The following YWHAE variants were observed in gnomAD, a reference collection of about 807,000 sequenced individuals.
YWHAE encodes the protein 14-3-3 protein epsilon.
Under a neutral mutation model 30.1 loss-of-function variants are expected in YWHAE, and 4 were observed. The ratio of observed to expected loss-of-function variants is 0.13; its 90% CI spans 0.07 to 0.30. The LOEUF is 0.30. Ranked by LOEUF, YWHAE falls within the 10% of genes least tolerant of loss-of-function variation. The pLI is 1.00. For synonymous variants in YWHAE, 118 were observed against 111.8 expected, an observed-to-expected ratio of 1.06 and a Z score of -0.35; for missense variants, 121 against 315.9, an observed-to-expected ratio of 0.38 and a Z score of 4.68.
intron 1 of YWHAE, among the ~76,000 whole-genome samples, chr17:1,375,641 T>C (rs1276576616): frequency 2.0e-4 from 30 of 152,196 alleles, no homozygotes; most frequent in Non-Finnish European, 8.8e-5. Context: ...CTGAAAAACA[T>C]ACTCCTCACA....
intron 4 of YWHAE, among the ~76,000 whole-genome samples, chr17:1,357,680 C>T (rs1005536634): frequency 6.6e-6 from 1 of 151,692 alleles, no homozygotes; most frequent in Non-Finnish European, 1.5e-5. Context: ...AATCTCGGCA[C>T]TTTGGGAGGC....
chr17:1,374,259 A>G lies in YWHAE; in HGVS notation c.65-9201T>C, dbSNP rs187077170. 7.9e-4 allele frequency among the ~76,000 whole-genome samples: 120 copies of G among 151,970 alleles called. 1 individual carries two copies. Among genetic ancestry groups the G allele is most frequent in the African/African-American group, 2.8e-3 (114 of 41,440 alleles). On this transcript the variant is annotated intron_variant, in intron 1 of 5. Transcript: ENST00000264335. ...CTTGAACACGGGAGGCGGAGGTTGC[A>G]GTGACCCGAGATCGTGCCACTGAAC...
At chr17:1,384,843 G>C (rs554871726) in intron 1 of YWHAE, among the ~76,000 whole-genome samples, 1 of 152,044 alleles carries the variant, frequency 6.6e-6, no homozygotes, top group Non-Finnish European at 1.5e-5. Context: ...GAGTAGCTGG[G>C]ATTAGAGGCA....
intron 1 of YWHAE, among the ~76,000 whole-genome samples, chr17:1,369,046 A>G (rs1011319653): frequency 6.6e-6 from 1 of 152,250 alleles, no homozygotes; most frequent in African/African-American, 2.4e-5. Flanking sequence ...TGTAACACTC[A>G]GTGATACTCT....
intron 1 of YWHAE, among the ~76,000 whole-genome samples, chr17:1,395,033 G>A (rs1384566311): frequency 1.3e-5 from 2 of 151,902 alleles, no homozygotes; most frequent in East Asian, 1.9e-4. Flanking sequence ...TGTACACAGT[G>A]TTCTTGAAAT....
chr17:1,384,246 C>A (rs1255589324), intron 1 of YWHAE, among the ~76,000 whole-genome samples: 4 of 149,056 alleles, frequency 2.7e-5, no homozygotes, highest in Admixed American at 6.7e-5. Flanking sequence ...GCATGGTGGG[C>A]ACACCTGTAG....
intron 1 of YWHAE, among the ~76,000 whole-genome samples, chr17:1,382,242 G>T (rs1302326033): frequency 4.6e-5 from 7 of 150,642 alleles, no homozygotes; most frequent in African/African-American, 7.3e-5. Context: ...TAGAGATGGG[G>T]TTTCACCGTG....
chr17:1,380,121 T>C (rs974654745), intron 1 of YWHAE, among the ~76,000 whole-genome samples: 9 of 151,100 alleles, frequency 6.0e-5, no homozygotes, highest in Admixed American at 5.3e-4. Context: ...CTTTTTTTTT[T>C]TTTTTTTTTT....
intron 1 of YWHAE, among the ~76,000 whole-genome samples, chr17:1,387,824 C>T (rs2073322023): frequency 6.6e-6 from 1 of 151,732 alleles, no homozygotes; most frequent in South Asian, 2.1e-4. Flanking sequence ...GGGGGTCTCA[C>T]CATGTTCACC....
At chr17:1,371,839 C>T (rs1332487150) in intron 1 of YWHAE, among the ~76,000 whole-genome samples, 2 of 138,542 alleles carry the variant, frequency 1.4e-5, no homozygotes, top group Admixed American at 7.3e-5. Context: ...TGACCCTGTA[C>T]TTTTTTTTTT....
intron 2 of YWHAE, among the ~76,000 whole-genome samples, chr17:1,363,972 A>T (rs2072903765): frequency 6.6e-6 from 1 of 152,186 alleles, no homozygotes; most frequent in Non-Finnish European, 1.5e-5. Flanking sequence ...GATGCTAGGA[A>T]CACCCTCCAG....
intron 1 of YWHAE, among the ~76,000 whole-genome samples, chr17:1,375,589 T>G (rs1367768475): frequency 6.6e-6 from 1 of 152,202 alleles, no homozygotes; most frequent in African/African-American, 2.4e-5. Context: ...TCTGGGACTT[T>G]TCATGGTTTG....
At chr17:1,349,651 T>C (rs999131879) in intron 5 of YWHAE, among the ~76,000 whole-genome samples, 13 of 151,912 alleles carry the variant, frequency 8.6e-5, no homozygotes, top group Non-Finnish European at 1.8e-4. Flanking sequence ...TCTTGCTCTG[T>C]CGCCCAGGCT....
chr17:1,388,103 T>G (rs1469489697), intron 1 of YWHAE, among the ~76,000 whole-genome samples: 3 of 46,730 alleles, frequency 6.4e-5, no homozygotes, highest in South Asian at 9.7e-4. Context: ...TAATTTTTGT[T>G]TTTTTTTTTG....
Position 1,392,636 on chromosome 17 carries a change from G to A in YWHAE, c.64+7411C>T, listed in dbSNP as rs186033140. 3.0e-3 allele frequency among the ~76,000 whole-genome samples: 459 copies of A among 152,100 alleles called. 5 individuals are homozygous for A. Among genetic ancestry groups the A allele is most frequent in the African/African-American group, 0.011 (442 of 41,468 alleles). Reference sequence around the variant, plus strand: ...AGGCTGAGGCAGGCGGACTACCTGAGGTCAGGAGTTGAAGACCAGCCTGGC... The same window carrying A: ...AGGCTGAGGCAGGCGGACTACCTGAAGTCAGGAGTTGAAGACCAGCCTGGC... On this transcript the variant is annotated intron_variant, in intron 1 of 5. Transcript: ENST00000264335.
chr17:1,398,334 T>TCCC (rs11389163), intron 1 of YWHAE, among the ~76,000 whole-genome samples: 5,467 of 100,624 alleles, frequency 0.054, 145 homozygotes, highest in Non-Finnish European at 0.07. Flanking sequence ...CCCCATCTTA[T>TCCC]CCCCCCCCCC....
intron 2 of YWHAE, among the ~76,000 whole-genome samples, chr17:1,362,861 G>A (rs1231425722): frequency 1.3e-5 from 2 of 151,980 alleles, no homozygotes; most frequent in Non-Finnish European, 2.9e-5. Flanking sequence ...GACTGGTCTA[G>A]GAGAAGGAAG....
intron 1 of YWHAE, among the ~76,000 whole-genome samples, chr17:1,388,053 G>C (rs2073327362): frequency 7.0e-6 from 1 of 141,888 alleles, no homozygotes. Context: ...AACCTCCTGA[G>C]TAGCTGGGAT....
intron 1 of YWHAE, among the ~76,000 whole-genome samples, chr17:1,378,940 ACT>A (rs779930496): frequency 1.5e-4 from 23 of 148,710 alleles, no homozygotes; most frequent in Non-Finnish European, 1.6e-4. Context: ...CAAGAGCAAA[ACT>A]CTGTCTCAAA....
Sources: gnomAD v4.1 joint callset for allele counts (sites outside exome capture counted in the v4.1 genomes callset) on GRCh38, gnomAD v4.1.1 for gene constraint, MANE v1.5 for transcripts, NCBI Gene and HGNC (gene_info 2026-07-23, HGNC 2026-07-21) for gene names.